Variants in MAP3K1 observed in about 807,000 individuals in gnomAD.
MAP3K1 encodes mitogen-activated protein kinase kinase kinase 1, also known as MAP/ERK kinase kinase 1.
Under a neutral mutation model 144.2 loss-of-function variants are expected in MAP3K1, and 36 were observed. The observed-to-expected ratio is 0.25, with a 90% CI of 0.19 to 0.33. The LOEUF is 0.33. MAP3K1 is among the 10% of genes least tolerant of loss of function. The pLI is 1.00. For synonymous variants in MAP3K1, 718 were observed against 688.7 expected (o/e 1.04, Z -0.67); for missense variants, 1,650 against 1,881.9 (o/e 0.88, Z 2.28).
chr5:56,892,424 A>G (rs1452594595), intron 19 of MAP3K1, among the ~76,000 whole-genome samples: 2 of 152,214 alleles, frequency 1.3e-5, no homozygotes, highest in Non-Finnish European at 2.9e-5. Flanking sequence ...ATGAAACTGA[A>G]GAATGCTAAA....
At chr5:56,836,610 T>C (rs1457402794) in intron 1 of MAP3K1, among the ~76,000 whole-genome samples, 1 of 152,208 alleles carries the variant, frequency 6.6e-6, no homozygotes. Flanking sequence ...GACTTGTTAC[T>C]GTTTACATGA....
intron 1 of MAP3K1, among the ~76,000 whole-genome samples, chr5:56,817,571 G>A (rs779025886): frequency 1.3e-5 from 2 of 152,178 alleles, no homozygotes; most frequent in Non-Finnish European, 2.9e-5. Flanking sequence ...ATACAGTTTT[G>A]TGTGCACTTG....
Position 56,859,788 on chromosome 5 carries a change from T to G in MAP3K1, c.707T>G (p.Val236Gly), listed in dbSNP as rs553300540. ...TTAGCAGCTGAGTCTCCAGGAGAGG[T>G]CCAGGCAAGTGCGGCTTCACCAGCT... ...NHLAAESPGE[V>G]QASAASPASK... Residue 236 changes from valine (V) to glycine (G), a missense_variant, in exon 3 of 20, where the codon GTC becomes GGC. By Grantham distance (109) the Val-to-Gly change is moderately radical (BLOSUM62 -3). This residue lies in a region of MAP3K1 where 148 missense variants were observed against 177.2 expected (regional missense o/e 0.84). Coordinates refer to ENST00000399503, the MANE Select transcript of MAP3K1 (RefSeq NM_005921.2). 48 of 1,613,880 alleles carry G rather than the reference T, an allele frequency of 3.0e-5. No homozygotes were observed. The South Asian group carries it at 5.1e-4, about 17-fold the overall frequency.
At chr5:56,843,071 A>T (rs1243777105) in intron 1 of MAP3K1, among the ~76,000 whole-genome samples, 1 of 152,162 alleles carries the variant, frequency 6.6e-6, no homozygotes, top group African/African-American at 2.4e-5. Flanking sequence ...TGTAGATGCA[A>T]CACGTTTCCT....
At position 56,893,776 on chromosome 5, in the gene MAP3K1, C is replaced by T; in HGVS notation, c.*96C>T. ...ATTGATATTCTACTGGCCATGATGCCACTGAACAGCTATGAACGAGGCCAG... is the reference window on the plus strand; with the variant it reads ...ATTGATATTCTACTGGCCATGATGCTACTGAACAGCTATGAACGAGGCCAG... On this transcript the variant is annotated 3_prime_UTR_variant, in exon 20 of 20. Transcript: ENST00000399503. 1 of 1,334,652 alleles carries T rather than the reference C, an allele frequency of 7.5e-7. No homozygotes were observed. The highest frequency in any genetic ancestry group is 1.1e-6 in the Non-Finnish European group (1 of 948,858). 82.7% of individuals were successfully genotyped at this position (1,334,652 alleles called of 1,614,324 possible).
chr5:56,838,539 G>A (rs576835812), intron 1 of MAP3K1, among the ~76,000 whole-genome samples: 1 of 152,354 alleles, frequency 6.6e-6, no homozygotes, highest in African/African-American at 2.4e-5. Context: ...AGGACAGGAT[G>A]TTAGAGTTAA....
intron 3 of MAP3K1, chr5:56,862,094 G>T (rs1747531984): frequency 6.6e-6 from 1 of 152,172 alleles, no homozygotes; most frequent in Non-Finnish European, 1.5e-5. Flanking sequence ...ATTGGGCAGG[G>T]CTCAGCAGGG....
At chr5:56,816,562 C>T (rs866203983) in intron 1 of MAP3K1, among the ~76,000 whole-genome samples, 14 of 152,052 alleles carry the variant, frequency 9.2e-5, no homozygotes, top group African/African-American at 3.1e-4. Context: ...GAGAAAGTAG[C>T]AGGTCCCAGC....
chr5:56,843,653 G>T (rs1211726393), intron 1 of MAP3K1, among the ~76,000 whole-genome samples: 1 of 152,180 alleles, frequency 6.6e-6, no homozygotes, highest in Non-Finnish European at 1.5e-5. Flanking sequence ...GCCTCTGCTA[G>T]TGGTTGGATT....
intron 19 of MAP3K1, among the ~76,000 whole-genome samples, chr5:56,889,703 A>AT: frequency 6.6e-6 from 1 of 152,254 alleles, no homozygotes; most frequent in Middle Eastern, 3.4e-3. Context: ...TAGGAAAATT[A>AT]TTTTTTGTGT....
In MAP3K1 at chr5:56,815,583, G is replaced by T; in HGVS notation, c.10G>T (p.Ala4Ser). Residue 4 changes from alanine (A) to serine (S), a missense_variant, in exon 1 of 20, where the codon GCG (alanine) becomes TCG (serine). Ala to Ser is a moderately conservative substitution (Grantham distance 99, BLOSUM62 1). This residue lies in a region of MAP3K1 where 360 missense variants were observed against 274.7 expected (regional missense o/e 1.31). Coordinates refer to ENST00000399503, the MANE Select transcript of MAP3K1 (RefSeq NM_005921.2). MAAAAGNRASSSGF... is the reference protein window; with the variant it reads MAASAGNRASSSGF... ...TAGCCCGCGAGAGAAAATGGCGGCG[G>T]CGGCGGGGAATCGCGCCTCGTCGTC... 7.7e-7 allele frequency: 1 copy of T among 1,299,326 alleles called. No homozygotes were observed. Among genetic ancestry groups the T allele is most frequent in the Non-Finnish European group, 9.7e-7 (1 of 1,026,888 alleles). The allele number at this position is 1,299,326 out of a possible 1,614,324, so 80.5% of individuals were successfully genotyped here.
chr5:56,883,002 A>G (rs1341856345), intron 14 of MAP3K1, 136 bp downstream of exon 14: 2 of 704,350 alleles, frequency 2.8e-6, no homozygotes, highest in Admixed American at 2.7e-5. Context: ...TAGCCTGGTC[A>G]ACAAAGCAAG....
chr5:56,869,850 C>G (rs1747797873), intron 6 of MAP3K1, among the ~76,000 whole-genome samples: 1 of 152,106 alleles, frequency 6.6e-6, no homozygotes, highest in Non-Finnish European at 1.5e-5. Context: ...TTCTTTGTTA[C>G]TAATGCATGC....
chr5:56,881,620 A>G lies in MAP3K1; in HGVS notation c.2420A>G (p.Asn807Ser). ...ACCTTTGCTTTGCAGTCCATTGATA[A>G]TTCCCACTCAATGGTTGGCAAACTT... ...LLTFALQSID[N>S]SHSMVGKLSR... Residue 807 changes from asparagine (N) to serine (S), a missense_variant, in exon 14 of 20, where the codon AAT becomes AGT. Physicochemically the swap from Asn to Ser is conservative, Grantham distance 46. Coordinates refer to ENST00000399503, the MANE Select transcript of MAP3K1 (RefSeq NM_005921.2). The G allele has an allele frequency of 4.3e-6, 7 of 1,613,992 alleles. No homozygotes were observed. Among genetic ancestry groups the G allele is most frequent in the Non-Finnish European group, 5.9e-6 (7 of 1,179,946 alleles).
At position 56,881,434 on chromosome 5, in the gene MAP3K1, A is replaced by T; in HGVS notation, c.2370-136A>T. 3 of 973,294 alleles carry T rather than the reference A, an allele frequency of 3.1e-6. No individual in the cohort carries two copies. In the South Asian group the frequency reaches 4.3e-5, roughly 14 times the overall value. The allele number at this position is 973,294 out of a possible 1,614,324, so 60.3% of individuals were successfully genotyped here. The stretch of plus-strand genomic sequence containing the variant: ...TGAAAACCCAAAGTCTGGGCTCTTT[A>T]ATTAAAAATTCATAGATACTTTATG... On this transcript the variant is annotated intron_variant, in intron 13 of 19. Transcript: ENST00000399503.
At position 56,865,355 on chromosome 5, in the gene MAP3K1, C is replaced by A; in HGVS notation, c.1051C>A (p.Arg351Ser). The A allele has an allele frequency of 6.2e-7, 1 of 1,603,610 alleles. No homozygotes were observed. Among genetic ancestry groups the A allele is most frequent in the Non-Finnish European group, 8.5e-7 (1 of 1,170,692 alleles). ...AACTCTTTAGAACTGCAGCTGTGCACGTGGAACATTCTGTATTCATCTGCT... is the reference window on the plus strand; with the variant it reads ...AACTCTTTAGAACTGCAGCTGTGCAAGTGGAACATTCTGTATTCATCTGCT... ...FIGPQNCSCA[R>S]GTFCIHLLFV... is the part of the protein sequence containing the mutation. The change falls in exon 5 of 20, where the codon CGT becomes AGT. Residue 351 changes from arginine (R) to serine (S), a missense_variant. By Grantham distance (110) the Arg-to-Ser change is moderately radical. Around this residue, in one of 6 missense-constraint regions of MAP3K1, gnomAD observed 125 missense variants for 179.9 expected, o/e 0.69. Transcript: ENST00000399503.
chr5:56,866,524 T>G (rs1018593987), intron 6 of MAP3K1, among the ~76,000 whole-genome samples: 5 of 152,208 alleles, frequency 3.3e-5, no homozygotes, highest in Non-Finnish European at 7.3e-5. Context: ...CATGTGAATC[T>G]TCTTTCTGTT....
At position 56,879,405 on chromosome 5, in the gene MAP3K1, A is replaced by G. The variant is rs538258067; in HGVS notation, c.2087+304A>G. Among the ~76,000 whole-genome samples, 27 of 152,274 alleles carry G rather than the reference A, an allele frequency of 1.8e-4. 1 individual carries two copies. The highest frequency in any genetic ancestry group is 5.2e-4 in the Admixed American group (8 of 15,296). On this transcript the variant is annotated intron_variant, in intron 11 of 19. Transcript: ENST00000399503. ...TCGATAAGAACAGTAGTTGACATTT[A>G]TATCTATAAGTTATAATCTCATATT...
intron 1 of MAP3K1, among the ~76,000 whole-genome samples, chr5:56,853,602 T>G (rs860580): frequency 0.75 from 114,486 of 152,064 alleles, 43,630 homozygotes; most frequent in Non-Finnish European, 0.82. Context: ...GCAAACTGCA[T>G]TAACCATGTT....
Sources: gnomAD v4.1 joint callset for allele counts (sites outside exome capture counted in the v4.1 genomes callset) on GRCh38, gnomAD v4.1.1 for gene constraint, gnomAD v4.1.1 regional missense constraint, MANE v1.5 for transcripts, NCBI Gene and HGNC (gene_info 2026-07-23, HGNC 2026-07-21) for gene names.